Variants in PPL observed in about 807,000 individuals in gnomAD.
PPL encodes 190 kDa paraneoplastic pemphigus antigen.
PPL carries 198 observed loss-of-function variants against 194.4 expected under a neutral mutation model. That is an observed-to-expected ratio of 1.02 (90% confidence interval 0.91 to 1.15). The LOEUF is 1.15. PPL is among the 50% of genes most tolerant of loss of function. PPL has a pLI of 0.00. For synonymous variants in PPL, 1,220 were observed against 972.4 expected (o/e 1.25, Z -4.74); for missense variants, 2,885 against 2,294.8 (o/e 1.26, Z -5.25).
intron 18 of PPL, among the ~76,000 whole-genome samples, chr16:4,889,825 A>G (rs1209745566): frequency 1.3e-5 from 2 of 152,162 alleles, no homozygotes; most frequent in East Asian, 3.9e-4. Flanking sequence ...CCCTCACCCC[A>G]AGGCACTGCG....
chr16:4,890,150 T>C (rs1164126894), intron 18 of PPL, 34 bp downstream of exon 18: 7 of 1,613,542 alleles, frequency 4.3e-6, no homozygotes, highest in African/African-American at 1.3e-5. Flanking sequence ...CCCTTGCCAG[T>C]GTGTGCCTGG....
chr16:4,911,612 G>A (rs529424220), intron 1 of PPL, among the ~76,000 whole-genome samples: 13 of 152,228 alleles, frequency 8.5e-5, no homozygotes, highest in African/African-American at 2.9e-4. Flanking sequence ...ATGGCTCACT[G>A]CAGCCTCTAT....
chr16:4,934,308 G>C (rs1398287391), intron 1 of PPL, among the ~76,000 whole-genome samples: 1 of 151,358 alleles, frequency 6.6e-6, no homozygotes, highest in Non-Finnish European at 1.5e-5. Context: ...TTTCTCGGTG[G>C]GGTGTTCCGT....
chr16:4,922,277 C>A (rs1012024073), intron 1 of PPL, among the ~76,000 whole-genome samples: 1 of 152,190 alleles, frequency 6.6e-6, no homozygotes, highest in African/African-American at 2.4e-5. Flanking sequence ...ACTGAGAGAA[C>A]AGATATGGGG....
intron 1 of PPL, among the ~76,000 whole-genome samples, chr16:4,919,730 G>A (rs934139707): frequency 6.6e-6 from 1 of 151,948 alleles, no homozygotes; most frequent in Non-Finnish European, 1.5e-5. Flanking sequence ...AGGAGTTCGA[G>A]ACCAAATTGG....
At position 4,937,105 on chromosome 16, in the gene PPL, G is replaced by C; in HGVS notation, c.-60C>G. 8.7e-7 allele frequency: 1 copy of C among 1,152,370 alleles called. No homozygotes were observed. The highest frequency in any genetic ancestry group is 1.1e-6 in the Non-Finnish European group (1 of 931,594). 71.4% of individuals were successfully genotyped at this position (1,152,370 alleles called of 1,614,324 possible). A position where few individuals can be genotyped will look rare whatever the true frequency, so the allele number is the denominator to read the frequency against. On this transcript the variant is annotated 5_prime_UTR_variant, in exon 1 of 22. Coordinates refer to ENST00000345988, the MANE Select transcript of PPL (RefSeq NM_002705.5). ...GGGCCGGGCGCGCACCGAGGGGCGG[G>C]CGGGAGCGCAGGTGAGCGAGCGGCG...
chr16:4,920,154 C>G (rs1287105192), intron 1 of PPL, among the ~76,000 whole-genome samples: 2 of 151,384 alleles, frequency 1.3e-5, no homozygotes, highest in East Asian at 3.9e-4. Context: ...CATGGTGGCA[C>G]ACACCTGTAG....
Position 4,902,489 on chromosome 16 carries a change from C to A in PPL, c.355G>T (p.Gly119Trp). 1.2e-6 allele frequency: 2 copies of A among 1,613,874 alleles called. No homozygotes were observed. The highest frequency in any genetic ancestry group is 1.7e-6 in the Non-Finnish European group (2 of 1,179,896). The change falls in exon 4 of 22, where the codon GGG (glycine) becomes TGG (tryptophan). Residue 119 changes from glycine (G) to tryptophan (W), a missense_variant. Physicochemically the swap from Gly to Trp is radical, Grantham distance 184. Transcript: ENST00000345988. This position sits in a 1 kb window ranked among gnomAD's most constrained non-coding sequence, Gnocchi z 4.0. ...AGCCTGTAGATCTGCTTGTGTTTCC[C>A]GCGCAGGTTGGTCACACGCTCCTTC... is the stretch of plus-strand genomic sequence containing the variant. ...QLKERVTNLR[G>W]KHKQIYRLAV...
chr16:4,901,593 G>A (rs1454358632), intron 4 of PPL, among the ~76,000 whole-genome samples: 1 of 152,094 alleles, frequency 6.6e-6, no homozygotes, highest in African/African-American at 2.4e-5. Flanking sequence ...AGAGGCTGAG[G>A]TGGGAGGATC....
At position 4,884,928 on chromosome 16, in the gene PPL, C is replaced by T; in HGVS notation, c.3727G>A (p.Glu1243Lys). 1 of 1,614,200 alleles carries T rather than the reference C, an allele frequency of 6.2e-7. No homozygotes were observed. Among genetic ancestry groups the T allele is most frequent in the South Asian group, 1.1e-5 (1 of 91,088 alleles). ...KEVIKYKTDP[E>K]MEKELQRLRE... is the part of the protein sequence containing the mutation. ...AGCCGCTGAAGCTCCTTCTCCATCT[C>T]AGGGTCAGTCTTGTACTTAATGACT... Residue 1243 changes from glutamate (E) to lysine (K), a missense_variant, in exon 22 of 22, where the codon GAG (glutamate) becomes AAG (lysine). Glu to Lys is a moderately conservative substitution (Grantham distance 56). Transcript: ENST00000345988. The surrounding 1 kb of genome is among the most constrained non-coding windows in gnomAD (Gnocchi z 5.7).
Position 4,895,732 on chromosome 16 carries a change from G to A in PPL, c.973-16C>T. 1 of 1,613,640 alleles carries A rather than the reference G, an allele frequency of 6.2e-7. No individual in the cohort carries two copies. The highest frequency in any genetic ancestry group is 8.5e-7 in the Non-Finnish European group (1 of 1,179,982). On this transcript the variant is annotated splice_polypyrimidine_tract_variant and intron_variant, in intron 9 of 21. Transcript: ENST00000345988. ...CTTCGTGAAACTAGGGGAGAAGGTG[G>A]CTCTGTTACAGCCAGGAAACCACTA... is the stretch of plus-strand genomic sequence containing the variant.
chr16:4,903,792 C>T, intron 3 of PPL, 94 bp downstream of exon 3: 2 of 1,483,916 alleles, frequency 1.3e-6, no homozygotes, highest in Non-Finnish European at 1.8e-6. Flanking sequence ...CCTTGATAAC[C>T]CCTGACTCGG....
Position 4,883,437 on chromosome 16 carries a change from T to G in PPL, c.5218A>C (p.Asn1740His). 1 of 1,614,138 alleles carries G rather than the reference T, an allele frequency of 6.2e-7. No individual in the cohort carries two copies. Among genetic ancestry groups the G allele is most frequent in the Non-Finnish European group, 8.5e-7 (1 of 1,180,036 alleles). ...AGCTCCTGGATGGACATATCCTTGT[T>G]GACATAGCGGTCATACTGAGCAGGG... ...LTPAQYDRYV[N>H]KDMSIQELAV... Residue 1740 changes from asparagine (N) to histidine (H), a missense_variant, in exon 22 of 22, where the codon AAC becomes CAC. Asn to His is a moderately conservative substitution (Grantham distance 68). Coordinates refer to ENST00000345988, the MANE Select transcript of PPL (RefSeq NM_002705.5). This position sits in a 1 kb window ranked among gnomAD's most constrained non-coding sequence, Gnocchi z 4.8.
chr16:4,930,885 G>A (rs528243333), intron 1 of PPL, among the ~76,000 whole-genome samples: 2 of 152,332 alleles, frequency 1.3e-5, no homozygotes, highest in East Asian at 1.9e-4. Context: ...GGGCCTAAGA[G>A]CAAAGAGAGG....
chr16:4,911,004 G>A, intron 1 of PPL, 55 bp from the exon 2 acceptor site: 1 of 1,388,096 alleles, frequency 7.2e-7, no homozygotes, highest in African/African-American at 1.4e-5. Flanking sequence ...TGGGGGCTAT[G>A]TCCCCACCAG....
In PPL at chr16:4,884,215, G is replaced by A. The variant is rs142482165; in HGVS notation, c.4440C>T (p.Leu1480=). The change falls in exon 22 of 22, where the codon CTC becomes CTT. Residue 1480 remains leucine (L), a synonymous_variant. Transcript: ENST00000345988. This position sits in a 1 kb window ranked among gnomAD's most constrained non-coding sequence, Gnocchi z 5.7. ...CAGCCAGTTTCCTCCGGAGGGTCTC[G>A]AGCTCCCCCTCCAGGAGCTGCCGCC... ...QHRRQLLEGE[L]ETLRRKLAAL... is the part of the protein sequence containing the mutation. 9.3e-4 allele frequency: 1,503 copies of A among 1,613,846 alleles called. 5 individuals carry two copies. The highest frequency in any genetic ancestry group is 3.7e-3 in the South Asian group (335 of 91,074).
chr16:4,926,056 C>T (rs17137436), intron 1 of PPL, among the ~76,000 whole-genome samples: 5,971 of 152,278 alleles, frequency 0.039, 158 homozygotes, highest in South Asian at 0.072. Flanking sequence ...ACCTTTCAGG[C>T]GGAAGCAACT....
At position 4,907,355 on chromosome 16, in the gene PPL, C is replaced by T. The variant is rs1371921000; in HGVS notation, c.163-3315G>A. Among the ~76,000 whole-genome samples, 4 of 138,966 alleles carry T rather than the reference C, an allele frequency of 2.9e-5. No homozygotes were observed. The East Asian group carries it at 8.5e-4, about 30-fold the overall frequency. 91.2% of individuals were successfully genotyped at this position (138,966 alleles called of 152,430 possible). A position where few individuals can be genotyped will look rare whatever the true frequency, so the allele number is the denominator to read the frequency against. ...ACACACACACACACACACACACACA[C>T]GGACAGATACATGATAAAGCCAATT... On this transcript the variant is annotated intron_variant, in intron 2 of 21. Coordinates refer to ENST00000345988, the MANE Select transcript of PPL (RefSeq NM_002705.5).
rs149302444 is a variant in PPL at position 4,892,164 on chromosome 16, G to A, written c.1700C>T (p.Thr567Met). Reference protein sequence around the residue: ...LRIEPEKTRSTAEGEAFIQAL... With the variant: ...LRIEPEKTRSMAEGEAFIQAL... ...CTGGATGAAGGCTTCGCCCTCAGCC[G>A]TGCTCCGCGTCTTCTCAGGTTCAAT... Residue 567 changes from threonine (T) to methionine (M), a missense_variant, in exon 15 of 22, where the codon ACG becomes ATG. Coordinates refer to ENST00000345988, the MANE Select transcript of PPL (RefSeq NM_002705.5). The A allele has an allele frequency of 4.7e-4, 752 of 1,613,808 alleles. 2 individuals carry two copies. In the African/African-American group the frequency reaches 6.3e-3, roughly 14 times the overall value.
Sources: gnomAD v4.1 joint callset for allele counts (sites outside exome capture counted in the v4.1 genomes callset) on GRCh38, gnomAD v4.1.1 for gene constraint, Gnocchi (gnomAD v3.1) non-coding constraint, MANE v1.5 for transcripts, NCBI Gene and HGNC (gene_info 2026-07-23, HGNC 2026-07-21) for gene names.